The following NEO1 variants were observed in gnomAD, a reference collection of about 807,000 sequenced individuals.
NEO1 encodes neogenin 1, also known as neogenin.
NEO1 carries 63 observed loss-of-function variants against 159.7 expected under a neutral mutation model. That is an observed-to-expected ratio of 0.39 (90% CI 0.32 to 0.49). The LOEUF is 0.49. Among genes scored for constraint, NEO1 ranks in the 20% least tolerant of loss-of-function variants. The probability of loss-of-function intolerance (pLI) is 0.85; values close to 1 mark genes in which losing one functional copy is unlikely to be tolerated. For synonymous variants in NEO1, 633 were observed against 662.0 expected, an observed-to-expected ratio of 0.96 and a Z score of 0.67; for missense variants, 1,615 against 1,831.0, an observed-to-expected ratio of 0.88 and a Z score of 2.15.
chr15:73,105,623 C>A (rs1466724470), intron 1 of NEO1, among the ~76,000 whole-genome samples: 1 of 152,274 alleles, frequency 6.6e-6, no homozygotes, highest in South Asian at 2.1e-4. Flanking sequence ...TCATTAGTCT[C>A]ATTAGTTCAT....
At chr15:73,246,476 C>T (rs1366002506) in intron 9 of NEO1, among the ~76,000 whole-genome samples, 3 of 152,158 alleles carry the variant, frequency 2.0e-5, no homozygotes, top group Admixed American at 6.5e-5. Context: ...ATAGAGGCAT[C>T]ATTCATGAGA....
chr15:73,172,955 G>C (rs773476023), intron 5 of NEO1, among the ~76,000 whole-genome samples: 1 of 152,160 alleles, frequency 6.6e-6, no homozygotes, highest in Non-Finnish European at 1.5e-5. Flanking sequence ...AAATAACTTA[G>C]GTTTAGTTTG....
chr15:73,295,246 A>G (rs2042319120), intron 26 of NEO1, among the ~76,000 whole-genome samples: 1 of 151,292 alleles, frequency 6.6e-6, no homozygotes, highest in African/African-American at 2.4e-5. Flanking sequence ...AGCCAGCTGC[A>G]TGGAGAGCCA....
At chr15:73,205,570 C>T (rs1373078726) in intron 7 of NEO1, among the ~76,000 whole-genome samples, 1 of 152,166 alleles carries the variant, frequency 6.6e-6, no homozygotes, top group Non-Finnish European at 1.5e-5. Flanking sequence ...CTGTGGCCCC[C>T]AGGATTTTTT....
intron 5 of NEO1, among the ~76,000 whole-genome samples, chr15:73,175,744 C>T (rs760655410): frequency 3.3e-5 from 5 of 152,172 alleles, no homozygotes; most frequent in Non-Finnish European, 5.9e-5. Flanking sequence ...TGGACTAGAT[C>T]TACTTCAACC....
intron 7 of NEO1, among the ~76,000 whole-genome samples, chr15:73,179,863 G>GTGTATA (rs1555445543): frequency 2.0e-5 from 3 of 147,900 alleles, no homozygotes; most frequent in Admixed American, 6.8e-5. Flanking sequence ...TAAATAATAT[G>GTGTATA]TATATATATA....
chr15:73,255,077 A>G (rs1468727133), intron 13 of NEO1, among the ~76,000 whole-genome samples: 2 of 152,138 alleles, frequency 1.3e-5, no homozygotes, highest in Non-Finnish European at 2.9e-5. Flanking sequence ...TGCATTCTCC[A>G]TGTTTTCATT....
chr15:73,256,595 A>G (rs537532087), intron 13 of NEO1, among the ~76,000 whole-genome samples: 12 of 152,346 alleles, frequency 7.9e-5, no homozygotes, highest in South Asian at 4.1e-4. Flanking sequence ...GTAATCAGCA[A>G]GCTTCTCACT....
intron 7 of NEO1, 102 bp downstream of exon 7, chr15:73,178,529 C>A: frequency 8.1e-7 from 1 of 1,232,586 alleles, no homozygotes; most frequent in Non-Finnish European, 1.1e-6. Context: ...TAGTAAAGGC[C>A]AATATGTGGC....
At chr15:73,139,308 G>A (rs907753197) in intron 5 of NEO1, among the ~76,000 whole-genome samples, 7 of 152,066 alleles carry the variant, frequency 4.6e-5, no homozygotes, top group Admixed American at 2.6e-4. Context: ...CACAGGCAAC[G>A]AAAGCAAAAA....
chr15:73,123,762 C>T (rs1433840288), intron 3 of NEO1, among the ~76,000 whole-genome samples: 1 of 152,136 alleles, frequency 6.6e-6, no homozygotes, highest in African/African-American at 2.4e-5. Flanking sequence ...TAGGTGCCCC[C>T]TCCATATTTC....
intron 19 of NEO1, 108 bp from the exon 20 acceptor site, chr15:73,273,703 A>G (rs2041279174): frequency 1.2e-6 from 1 of 805,400 alleles, no homozygotes; most frequent in African/African-American, 1.8e-5. Flanking sequence ...ACATTATTCA[A>G]ATATTATGCT....
chr15:73,122,092 T>TATAC (rs1567241771), intron 2 of NEO1, among the ~76,000 whole-genome samples: 103 of 102,992 alleles, frequency 1.0e-3, no homozygotes, highest in African/African-American at 3.6e-3. Context: ...TATATATATA[T>TATAC]ATACACATTA....
chr15:73,246,648 C>G (rs1289395957), intron 9 of NEO1, among the ~76,000 whole-genome samples: 1 of 152,154 alleles, frequency 6.6e-6, no homozygotes, highest in Non-Finnish European at 1.5e-5. Context: ...GAAATAGAAT[C>G]TAACAGTGCA....
At position 73,216,789 on chromosome 15, in the gene NEO1, T is replaced by A. The variant is rs539059326; in HGVS notation, c.1292-19558T>A. The stretch of plus-strand genomic sequence containing the variant: ...ACTTTTTGATGGGGTTGTTTTTTTC[T>A]TGTAAATTTGTTTGAATTCATTGTA... On this transcript the variant is annotated intron_variant, in intron 7 of 28. Transcript: ENST00000261908. Among the ~76,000 whole-genome samples, 3 of 152,366 alleles carry A rather than the reference T, an allele frequency of 2.0e-5. No individual in the cohort carries two copies. In the South Asian group the frequency reaches 6.2e-4, roughly 32 times the overall value.
In NEO1 at chr15:73,236,369, G is replaced by C; in HGVS notation, c.1314G>C (p.Leu438=). 6.2e-7 allele frequency: 1 copy of C among 1,614,156 alleles called. No individual in the cohort carries two copies. Among genetic ancestry groups the C allele is most frequent in the Non-Finnish European group, 8.5e-7 (1 of 1,180,016 alleles). The change falls in exon 8 of 29, where the codon CTG becomes CTC. Residue 438 remains leucine, a synonymous_variant. Coordinates refer to ENST00000261908, the MANE Select transcript of NEO1 (RefSeq NM_002499.4). The part of the protein sequence containing the change: ...LEHAPATTGP[L]PSAPRDVVAS... The stretch of plus-strand genomic sequence containing the variant: ...TAGCACCAGCCACAACGGGACCACT[G>C]CCTTCAGCTCCTCGGGATGTCGTGG...
chr15:73,145,772 T>TAGG (rs2032842559), intron 5 of NEO1, among the ~76,000 whole-genome samples: 1 of 152,188 alleles, frequency 6.6e-6, no homozygotes, highest in Admixed American at 6.5e-5. Flanking sequence ...TCACACCAAT[T>TAGG]AGGAAGAAGC....
At chr15:73,112,900 G>C (rs952860080) in intron 1 of NEO1, among the ~76,000 whole-genome samples, 2 of 152,060 alleles carry the variant, frequency 1.3e-5, no homozygotes, top group African/African-American at 4.8e-5. Context: ...GTGTGAGTAG[G>C]CATCTCATTT....
intron 15 of NEO1, among the ~76,000 whole-genome samples, chr15:73,263,343 G>A (rs957260114): frequency 1.3e-4 from 20 of 151,724 alleles, no homozygotes; most frequent in Non-Finnish European, 2.8e-4. Flanking sequence ...ACAGGCTTGC[G>A]CCACCATGCC....
Sources: gnomAD v4.1 joint callset for allele counts (sites outside exome capture counted in the v4.1 genomes callset) on GRCh38, gnomAD v4.1.1 for gene constraint, MANE v1.5 for transcripts, NCBI Gene and HGNC (gene_info 2026-07-23, HGNC 2026-07-21) for gene names.